The following PLCL1 variants were observed in gnomAD, a reference collection of about 807,000 sequenced individuals.
PLCL1 encodes the protein inactive phospholipase C-like protein 1.
Under a neutral mutation model 84.4 loss-of-function variants are expected in PLCL1, and 41 were observed. The observed-to-expected ratio is 0.49, with a 90% CI of 0.38 to 0.63. PLCL1 has a LOEUF of 0.63. PLCL1 is among the 30% of genes least tolerant of loss of function. The pLI, the probability that PLCL1 is intolerant of heterozygous loss-of-function variation, is 0.00. For missense variants in PLCL1, 1,206 were observed against 1,367.8 expected (o/e 0.88, Z 1.87); for synonymous variants, 490 against 488.3 (o/e 1.00, Z -0.05).
chr2:197,976,636 A>G (rs555355971), intron 1 of PLCL1, among the ~76,000 whole-genome samples: 81 of 152,076 alleles, frequency 5.3e-4, no homozygotes, highest in Non-Finnish European at 9.1e-4. Context: ...TTTAGTGGAG[A>G]TGGGGTTCCA....
chr2:198,054,967 A>G (rs369176185), intron 1 of PLCL1, among the ~76,000 whole-genome samples: 3 of 152,306 alleles, frequency 2.0e-5, no homozygotes, highest in African/African-American at 7.2e-5. Flanking sequence ...ATGAAAAACA[A>G]ATATAAAAAC....
intron 1 of PLCL1, among the ~76,000 whole-genome samples, chr2:197,993,194 A>G (rs2105814186): frequency 6.6e-6 from 1 of 152,302 alleles, no homozygotes; most frequent in Middle Eastern, 3.4e-3. Flanking sequence ...GTTTTATAAT[A>G]GCAATCCTAA....
intron 1 of PLCL1, among the ~76,000 whole-genome samples, chr2:197,966,230 C>G (rs1252470207): frequency 6.6e-6 from 1 of 151,838 alleles, no homozygotes; most frequent in Admixed American, 6.6e-5. Flanking sequence ...GCTGTGTTGC[C>G]TGTGGTTGTG....
intron 1 of PLCL1, among the ~76,000 whole-genome samples, chr2:197,911,583 T>C (rs1459656313): frequency 6.6e-6 from 1 of 152,168 alleles, no homozygotes; most frequent in African/African-American, 2.4e-5. Context: ...CTTCCAGGCA[T>C]TAAGAGTATG....
At chr2:197,922,588 G>C (rs1420112338) in intron 1 of PLCL1, among the ~76,000 whole-genome samples, 1 of 138,726 alleles carries the variant, frequency 7.2e-6, no homozygotes. Flanking sequence ...AGTAGGGGCA[G>C]CCGGGCAGAG....
intron 3 of PLCL1, among the ~76,000 whole-genome samples, chr2:198,093,267 G>A (rs550470842): frequency 1.3e-5 from 2 of 152,234 alleles, no homozygotes; most frequent in African/African-American, 4.8e-5. Flanking sequence ...AACACAAAGA[G>A]TCAACCCTAA....
intron 1 of PLCL1, among the ~76,000 whole-genome samples, chr2:197,832,938 G>C (rs1419771245): frequency 6.6e-6 from 1 of 152,078 alleles, no homozygotes; most frequent in Non-Finnish European, 1.5e-5. Flanking sequence ...AAAGGCCTTC[G>C]ATAAAATTTG....
chr2:198,003,487 G>A (rs144327305), intron 1 of PLCL1, among the ~76,000 whole-genome samples: 311 of 152,268 alleles, frequency 2.0e-3, no homozygotes, highest in African/African-American at 6.9e-3. Context: ...GTATTGGTTC[G>A]TTGACTTTAG....
chr2:197,866,255 A>G (rs996398008), intron 1 of PLCL1, among the ~76,000 whole-genome samples: 5 of 148,354 alleles, frequency 3.4e-5, no homozygotes, highest in Non-Finnish European at 5.9e-5. Context: ...GCAGAAATTT[A>G]TGATAGCTTT....
chr2:197,989,158 G>A (rs1690283240), intron 1 of PLCL1, among the ~76,000 whole-genome samples: 1 of 152,072 alleles, frequency 6.6e-6, no homozygotes, highest in Admixed American at 6.5e-5. Flanking sequence ...AGATTATGAT[G>A]GCTGTTCTTA....
intron 1 of PLCL1, among the ~76,000 whole-genome samples, chr2:197,847,608 G>C (rs700683): frequency 6.6e-6 from 1 of 152,048 alleles, no homozygotes. Flanking sequence ...ATTTTTATGT[G>C]GACATGTACT....
chr2:197,968,957 G>A (rs1466695405), intron 1 of PLCL1, among the ~76,000 whole-genome samples: 1 of 152,206 alleles, frequency 6.6e-6, no homozygotes. Flanking sequence ...TAGGAACCGG[G>A]CCACACAGCA....
At chr2:197,806,264 A>G (rs1014337288) in intron 1 of PLCL1, among the ~76,000 whole-genome samples, 3 of 152,232 alleles carry the variant, frequency 2.0e-5, no homozygotes. Flanking sequence ...ATATGTATGT[A>G]TGTATATATG....
intron 1 of PLCL1, among the ~76,000 whole-genome samples, chr2:198,046,641 C>T (rs1377862170): frequency 6.6e-6 from 1 of 152,104 alleles, no homozygotes; most frequent in African/African-American, 2.4e-5. Context: ...AGCTCGAGAC[C>T]AGCCTGGGCA....
chr2:197,951,743 A>C (rs1689393025), intron 1 of PLCL1, among the ~76,000 whole-genome samples: 1 of 152,176 alleles, frequency 6.6e-6, no homozygotes, highest in Non-Finnish European at 1.5e-5. Context: ...TGTCCATAGG[A>C]AGGACGTTTT....
intron 1 of PLCL1, among the ~76,000 whole-genome samples, chr2:197,995,882 AG>A (rs548098747): frequency 1.2e-3 from 190 of 152,310 alleles, no homozygotes; most frequent in African/African-American, 4.2e-3. Flanking sequence ...TTTCTGTCTT[AG>A]TGACAAATGG....
chr2:198,036,834 A>G (rs1369033525), intron 1 of PLCL1, among the ~76,000 whole-genome samples: 1 of 146,564 alleles, frequency 6.8e-6, no homozygotes. Flanking sequence ...ACATTTTTTT[A>G]CAGCTCGTTA....
intron 5 of PLCL1, among the ~76,000 whole-genome samples, chr2:198,140,819 G>A (rs995935946): frequency 6.6e-6 from 1 of 151,924 alleles, no homozygotes; most frequent in African/African-American, 2.4e-5. Flanking sequence ...AGATTCTCAG[G>A]AACTAAAAAG....
chr2:197,993,433 C>G (rs907005502), intron 1 of PLCL1, among the ~76,000 whole-genome samples: 1 of 152,144 alleles, frequency 6.6e-6, no homozygotes, highest in East Asian at 1.9e-4. Flanking sequence ...TGTGCTCCAT[C>G]ATCAGGGTCA....
Sources: allele counts gnomAD v4.1 joint callset (sites outside exome capture counted in the v4.1 genomes callset), GRCh38; gene constraint gnomAD v4.1.1; transcripts MANE v1.5; gene names NCBI Gene and HGNC (gene_info 2026-07-23, HGNC 2026-07-21).